PTPRG: variants seen among roughly 807,000 people sequenced by gnomAD.
PTPRG encodes protein tyrosine phosphatase receptor type G.
In PTPRG, 102 loss-of-function variants were observed where a neutral mutation model predicts 165.3. The ratio of observed to expected loss-of-function variants is 0.62; its 90% CI spans 0.53 to 0.73. The LOEUF (loss-of-function observed/expected upper bound fraction) is 0.73. PTPRG is among the 30% of genes least tolerant of loss of function. PTPRG has a pLI of 0.00. For synonymous variants in PTPRG, 675 were observed against 669.5 expected (o/e 1.01, Z -0.13); for missense variants, 1,866 against 1,861.4 (o/e 1.00, Z -0.05).
At position 61,997,670 on chromosome 3, in the gene PTPRG, C is replaced by T. The variant is rs191127689; in HGVS notation, c.371-5679C>T. On this transcript the variant is annotated intron_variant, in intron 3 of 29. Transcript: ENST00000474889. ...GTCTGTTTAGTTCTTGGGACCTGTC[C>T]TTCCCATCGGCTGTAAGTTCCATAA... 6.2e-3 allele frequency among the ~76,000 whole-genome samples: 949 copies of T among 152,316 alleles called. 17 individuals are homozygous for T. The highest frequency in any genetic ancestry group is 0.022 in the African/African-American group (907 of 41,580).
At chr3:62,083,232 A>T (rs1269877268) in intron 5 of PTPRG, among the ~76,000 whole-genome samples, 2 of 151,984 alleles carry the variant, frequency 1.3e-5, no homozygotes, top group Non-Finnish European at 2.9e-5. Flanking sequence ...TGGTTGGTGC[A>T]ATAGTAATCG....
chr3:62,168,087 G>A lies in PTPRG; in HGVS notation c.957G>A (p.Lys319=), dbSNP rs756429269. The A allele has an allele frequency of 1.9e-6, 3 of 1,614,074 alleles. No homozygotes were observed. Among genetic ancestry groups the A allele is most frequent in the East Asian group, 4.5e-5 (2 of 44,866 alleles). The change falls in exon 8 of 30, where the codon AAG becomes AAA. Residue 319 remains lysine, a synonymous_variant. Transcript: ENST00000474889. ...QQRLHDRVVS[K]SAVRDSWNHD... is the part of the protein sequence containing the mutation. The stretch of plus-strand genomic sequence containing the variant: ...GTCTGCATGACAGGGTGGTGTCCAA[G>A]TCCGCCGTCCGTGACTCCTGGAACC...
At chr3:61,639,622 C>G (rs1201544945) in intron 1 of PTPRG, among the ~76,000 whole-genome samples, 1 of 151,934 alleles carries the variant, frequency 6.6e-6, no homozygotes, top group Non-Finnish European at 1.5e-5. Flanking sequence ...CAATCTTTCA[C>G]CTGCTTGATT....
At chr3:61,629,592 G>A (rs1222731357) in intron 1 of PTPRG, among the ~76,000 whole-genome samples, 1 of 152,196 alleles carries the variant, frequency 6.6e-6, no homozygotes, top group Non-Finnish European at 1.5e-5. Context: ...CATCAAAGTT[G>A]ACAAAGTCTC....
intron 3 of PTPRG, among the ~76,000 whole-genome samples, chr3:61,992,505 A>C (rs1202229929): frequency 6.6e-6 from 1 of 151,924 alleles, no homozygotes; most frequent in Non-Finnish European, 1.5e-5. Context: ...GATTACAGAC[A>C]GCCACCTCCA....
At chr3:61,732,287 G>GT (rs1223907025) in intron 1 of PTPRG, among the ~76,000 whole-genome samples, 15 of 152,256 alleles carry the variant, frequency 9.9e-5, no homozygotes, top group African/African-American at 3.4e-4. Context: ...TTGAAATCCT[G>GT]TATTAGCAGG....
intron 1 of PTPRG, among the ~76,000 whole-genome samples, chr3:61,594,340 G>C (rs1259014678): frequency 6.6e-6 from 1 of 151,998 alleles, no homozygotes; most frequent in African/African-American, 2.4e-5. Flanking sequence ...TTAGTTACAT[G>C]GGCATTTCTT....
intron 2 of PTPRG, among the ~76,000 whole-genome samples, chr3:61,979,572 C>G (rs1168415723): frequency 6.6e-6 from 1 of 151,874 alleles, no homozygotes; most frequent in Non-Finnish European, 1.5e-5. Flanking sequence ...AGTATTTCTG[C>G]TAAAATCCCT....
intron 2 of PTPRG, among the ~76,000 whole-genome samples, chr3:61,797,677 T>G (rs1446930886): frequency 6.7e-6 from 1 of 150,242 alleles, no homozygotes; most frequent in East Asian, 2.0e-4. Flanking sequence ...TGCCACTGAT[T>G]ACCAGTAGCT....
chr3:61,610,783 C>T (rs1212579101), intron 1 of PTPRG, among the ~76,000 whole-genome samples: 38 of 145,570 alleles, frequency 2.6e-4, no homozygotes, highest in African/African-American at 9.5e-4. Flanking sequence ...ACCTCCCTCC[C>T]TCTCTCTCTC....
intron 5 of PTPRG, among the ~76,000 whole-genome samples, chr3:62,110,152 C>A (rs978557517): frequency 6.8e-6 from 1 of 146,306 alleles, no homozygotes; most frequent in Non-Finnish European, 1.5e-5. Flanking sequence ...CCTCCCTCCC[C>A]ATTTTTGGTA....
intron 1 of PTPRG, among the ~76,000 whole-genome samples, chr3:61,658,500 C>G (rs1253065211): frequency 6.6e-6 from 1 of 152,170 alleles, no homozygotes; most frequent in Non-Finnish European, 1.5e-5. Flanking sequence ...GCTCCTTTTT[C>G]TATCTTGAAA....
chr3:61,895,194 C>T (rs1474263262), intron 2 of PTPRG, among the ~76,000 whole-genome samples: 1 of 152,118 alleles, frequency 6.6e-6, no homozygotes, highest in Non-Finnish European at 1.5e-5. Flanking sequence ...CATAGCTTGT[C>T]ACAGTGGTTT....
At chr3:62,175,351 C>A (rs78899381) in intron 8 of PTPRG, among the ~76,000 whole-genome samples, 1 of 152,088 alleles carries the variant, frequency 6.6e-6, no homozygotes, top group African/African-American at 2.4e-5. Flanking sequence ...TGCCGTGGCA[C>A]GCGCCAGTAG....
At chr3:62,089,694 C>T (rs887088646) in intron 5 of PTPRG, among the ~76,000 whole-genome samples, 7 of 152,186 alleles carry the variant, frequency 4.6e-5, no homozygotes, top group Non-Finnish European at 7.3e-5. Context: ...CTCACCTCAA[C>T]AAGCTGGTAC....
chr3:61,641,404 A>G (rs1014473256), intron 1 of PTPRG, among the ~76,000 whole-genome samples: 2 of 152,342 alleles, frequency 1.3e-5, no homozygotes, highest in Non-Finnish European at 1.5e-5. Context: ...TGTGGACTGC[A>G]GGAATAGTGA....
chr3:62,105,478 G>T (rs564004773), intron 5 of PTPRG, among the ~76,000 whole-genome samples: 92 of 152,264 alleles, frequency 6.0e-4, no homozygotes, highest in African/African-American at 2.2e-3. Context: ...ATCAATAGGA[G>T]AGTGAAGATC....
At chr3:62,189,312 C>T (rs1046266234) in intron 8 of PTPRG, among the ~76,000 whole-genome samples, 1 of 152,282 alleles carries the variant, frequency 6.6e-6, no homozygotes, top group East Asian at 1.9e-4. Flanking sequence ...TTTTCTCCAC[C>T]GGCCAGGTCC....
At chr3:61,934,692 A>G (rs1172218413) in intron 2 of PTPRG, among the ~76,000 whole-genome samples, 1 of 150,830 alleles carries the variant, frequency 6.6e-6, no homozygotes, top group Non-Finnish European at 1.5e-5. Flanking sequence ...TGCTGCTCCC[A>G]CTCTTGTCCT....
Sources: allele counts gnomAD v4.1 joint callset (sites outside exome capture counted in the v4.1 genomes callset), GRCh38; gene constraint gnomAD v4.1.1; transcripts MANE v1.5; gene names NCBI Gene and HGNC (gene_info 2026-07-23, HGNC 2026-07-21).